The following SLC28A3 variants were observed in gnomAD, a reference collection of about 807,000 sequenced individuals.
SLC28A3 encodes solute carrier family 28 member 3.
SLC28A3 carries 68 observed loss-of-function variants against 84.2 expected under a neutral mutation model. That is an observed-to-expected ratio of 0.81 (90% CI 0.66 to 0.99). The LOEUF (loss-of-function observed/expected upper bound fraction) is 0.99. Ranked by LOEUF, SLC28A3 falls within the 50% of genes least tolerant of loss-of-function variation. The pLI, the probability that SLC28A3 is intolerant of heterozygous loss-of-function variation, is 0.00. For synonymous variants in SLC28A3, 267 were observed against 303.6 expected (o/e 0.88, Z 1.25); for missense variants, 712 against 841.5 (o/e 0.85, Z 1.90).
intron 10 of SLC28A3, 82 bp downstream of exon 10, chr9:84,292,586 T>G: frequency 1.8e-6 from 2 of 1,106,312 alleles, no homozygotes; most frequent in Non-Finnish European, 2.6e-6. Flanking sequence ...TAAAAGAACA[T>G]TGTGTTATTT....
intron 3 of SLC28A3, among the ~76,000 whole-genome samples, chr9:84,309,060 T>C (rs1370216022): frequency 2.6e-5 from 4 of 152,230 alleles, no homozygotes; most frequent in African/African-American, 9.6e-5. Flanking sequence ...ATTAGAAGAC[T>C]GTCCTGGGTG....
chr9:84,358,364 C>G, the SLC28A3 span, among the ~76,000 whole-genome samples: 2 of 152,278 alleles, frequency 1.3e-5, no homozygotes, highest in South Asian at 4.2e-4. Flanking sequence ...ACACCCTCCC[C>G]CAACAACCCC....
At position 84,289,861 on chromosome 9, in the gene SLC28A3, A is replaced by AT. The variant is rs11284071; in HGVS notation, c.1149+292dup. ...CCAGATCACCTTGACTGATGTAATA[A>AT]TTTTTTTTTTAACAGATTTAAATTT... On this transcript the variant is annotated intron_variant, in intron 11 of 17. Coordinates refer to ENST00000376238, the MANE Select transcript of SLC28A3 (RefSeq NM_001199633.2). 1,529 of 228,106 alleles carry AT rather than the reference A, an allele frequency of 6.7e-3. 3 individuals carry two copies. Among genetic ancestry groups the AT allele is most frequent in the Non-Finnish European group, 8.6e-3 (989 of 115,204 alleles). 14.1% of individuals were successfully genotyped at this position (228,106 alleles called of 1,614,324 possible). A position where few individuals can be genotyped will look rare whatever the true frequency, so the allele number is the denominator to read the frequency against.
Position 84,299,618 on chromosome 9 carries a change from A to G in SLC28A3, c.632T>C (p.Ile211Thr). Residue 211 changes from isoleucine to threonine, a missense_variant, in exon 6 of 18, where the codon ATT (isoleucine) becomes ACT (threonine). Coordinates refer to ENST00000376238, the MANE Select transcript of SLC28A3 (RefSeq NM_001199633.2). ...LVSFGGLIMY[I>T]VLLFLFSKYP... ...CTTGGAAAATAGAAATAACAGGACA[A>G]TGTACATTATGAGCCCACCGAAGGA... 1 of 1,613,892 alleles carries G rather than the reference A, an allele frequency of 6.2e-7. No homozygotes were observed. Among genetic ancestry groups the G allele is most frequent in the Non-Finnish European group, 8.5e-7 (1 of 1,179,950 alleles).
chr9:84,321,516 G>A (rs12347278), intron 1 of SLC28A3, among the ~76,000 whole-genome samples: 43,493 of 151,420 alleles, frequency 0.29, 6,774 homozygotes, highest in African/African-American at 0.41. Context: ...GGCGGATCAC[G>A]AGGTCAGGAG....
chr9:84,324,006 C>T (rs1826466871), intron 1 of SLC28A3, among the ~76,000 whole-genome samples: 1 of 152,168 alleles, frequency 6.6e-6, no homozygotes, highest in Non-Finnish European at 1.5e-5. Context: ...CTTCTTTCTT[C>T]CTCTTCTCTG....
At chr9:84,335,057 C>T (rs146575874) in intron 1 of SLC28A3, among the ~76,000 whole-genome samples, 32 of 152,208 alleles carry the variant, frequency 2.1e-4, no homozygotes, top group African/African-American at 4.8e-4. Context: ...TGGTCTTATC[C>T]GCGCTCATAT....
intron 12 of SLC28A3, among the ~76,000 whole-genome samples, chr9:84,286,372 A>G (rs954155510): frequency 5.4e-5 from 8 of 148,814 alleles, no homozygotes; most frequent in Non-Finnish European, 1.2e-4. Flanking sequence ...AGCTTATTGG[A>G]GCCTCCAACT....
At chr9:84,297,680 A>G (rs1007598401) in intron 7 of SLC28A3, among the ~76,000 whole-genome samples, 1 of 152,204 alleles carries the variant, frequency 6.6e-6, no homozygotes, top group African/African-American at 2.4e-5. Context: ...GGATGTGGGC[A>G]ATGGATTAGG....
chr9:84,338,207 C>T (rs1827047019), intron 1 of SLC28A3, among the ~76,000 whole-genome samples: 1 of 152,234 alleles, frequency 6.6e-6, no homozygotes, highest in Non-Finnish European at 1.5e-5. Context: ...GCACAATTCA[C>T]AGACTAGGAC....
chr9:84,341,857 G>A (rs1198137732), upstream of SLC28A3, among the ~76,000 whole-genome samples: 2 of 152,080 alleles, frequency 1.3e-5, no homozygotes, highest in South Asian at 2.1e-4. Context: ...GGCCTGGTGC[G>A]GTGGCTCACG....
intron 6 of SLC28A3, 92 bp downstream of exon 6, chr9:84,299,489 A>T (rs145121253): frequency 2.0e-6 from 3 of 1,520,626 alleles, no homozygotes; most frequent in East Asian, 4.6e-5. Flanking sequence ...AGTACTGAAC[A>T]ATAGTTAAAT....
rs1028959479 is a variant in SLC28A3 at position 84,321,168 on chromosome 9, A to C, written c.61-7714T>G. On this transcript the variant is annotated intron_variant, in intron 1 of 17. Coordinates refer to ENST00000376238, the MANE Select transcript of SLC28A3 (RefSeq NM_001199633.2). ...AACTGGAAATCCTCTCACCAGCACAACACCTTCCAGTAGATGAGAAAGAAG... is the reference window on the plus strand; with the variant it reads ...AACTGGAAATCCTCTCACCAGCACACCACCTTCCAGTAGATGAGAAAGAAG... Among the ~76,000 whole-genome samples, 3 of 152,072 alleles carry C rather than the reference A, an allele frequency of 2.0e-5. No individual in the cohort carries two copies. The South Asian group carries it at 6.2e-4, about 32-fold the overall frequency.
Position 84,340,566 on chromosome 9 carries a change from C to T in SLC28A3, c.60+8G>A. 1 of 1,614,156 alleles carries T rather than the reference C, an allele frequency of 6.2e-7. No homozygotes were observed. The highest frequency in any genetic ancestry group is 8.5e-7 in the Non-Finnish European group (1 of 1,180,006). On this transcript the variant is annotated splice_region_variant and intron_variant, in intron 1 of 17. Transcript: ENST00000376238. The stretch of plus-strand genomic sequence containing the variant: ...AGGCCTTTAACATAAGAGGAAAGCT[C>T]TGCTCACCTGGAAGCCCACGTTGCT...
intron 14 of SLC28A3, among the ~76,000 whole-genome samples, chr9:84,282,880 C>G (rs1211705680): frequency 1.3e-5 from 2 of 152,214 alleles, no homozygotes; most frequent in Non-Finnish European, 2.9e-5. Context: ...CCCCTCTTCT[C>G]TCTCATGGTT....
the SLC28A3 span, among the ~76,000 whole-genome samples, chr9:84,358,139 G>A: frequency 1.3e-5 from 2 of 152,140 alleles, no homozygotes; most frequent in Non-Finnish European, 2.9e-5. Context: ...GCTGAACCCC[G>A]ATTAGCTTCA....
the SLC28A3 span, among the ~76,000 whole-genome samples, chr9:84,361,044 T>C: frequency 6.6e-6 from 1 of 151,968 alleles, no homozygotes; most frequent in South Asian, 2.1e-4. Flanking sequence ...ACCAGAACGA[T>C]TTTTAGGGTT....
chr9:84,364,206 C>T, the SLC28A3 span, among the ~76,000 whole-genome samples: 1 of 150,236 alleles, frequency 6.7e-6, no homozygotes, highest in East Asian at 2.0e-4. Flanking sequence ...CTCACTTCAA[C>T]CTCTGCTTGC....
chr9:84,290,354 A>C, intron 10 of SLC28A3, 75 bp from the exon 11 acceptor site: 1 of 1,560,748 alleles, frequency 6.4e-7, no homozygotes, highest in Non-Finnish European at 8.7e-7. Context: ...CAATCTACTC[A>C]CAATTTTATT....
Sources: gnomAD v4.1 joint callset for allele counts (sites outside exome capture counted in the v4.1 genomes callset) on GRCh38, gnomAD v4.1.1 for gene constraint, MANE v1.5 for transcripts, NCBI Gene and HGNC (gene_info 2026-07-23, HGNC 2026-07-21) for gene names.